The following CSMD1 variants were observed in gnomAD, a reference collection of about 807,000 sequenced individuals.
CSMD1 encodes the protein CUB and Sushi multiple domains 1, also known as CUB and sushi domain-containing protein 1.
CSMD1 carries 213 observed loss-of-function variants against 417.5 expected under a neutral mutation model. The observed-to-expected ratio is 0.51, with a 90% CI of 0.46 to 0.57. The LOEUF (loss-of-function observed/expected upper bound fraction) is 0.57, where lower values mean the gene tolerates loss of function less well. Among genes scored for constraint, CSMD1 ranks in the 20% least tolerant of loss-of-function variants. The probability of loss-of-function intolerance (pLI) is 0.00; values close to 1 mark genes in which losing one functional copy is unlikely to be tolerated. For synonymous variants in CSMD1, 2,862 were observed against 1,736.8 expected, an observed-to-expected ratio of 1.65 and a Z score of -16.11; for missense variants, 6,923 against 4,529.7, an observed-to-expected ratio of 1.53 and a Z score of -15.17.
chr8:3,480,782 C>G (rs756380199), intron 11 of CSMD1, among the ~76,000 whole-genome samples: 45 of 152,050 alleles, frequency 3.0e-4, no homozygotes, highest in Non-Finnish European at 6.2e-4. Flanking sequence ...ACCACAAATT[C>G]TATATTCAGT....
intron 7 of CSMD1, among the ~76,000 whole-genome samples, chr8:3,618,195 G>A (rs1802240023): frequency 2.0e-5 from 3 of 152,030 alleles, no homozygotes; most frequent in Admixed American, 2.0e-4. Flanking sequence ...TTCTAGAGAT[G>A]GAGTCTCACT....
chr8:3,225,233 C>T (rs535045405), intron 27 of CSMD1, among the ~76,000 whole-genome samples: 1 of 152,100 alleles, frequency 6.6e-6, no homozygotes, highest in African/African-American at 2.4e-5. Flanking sequence ...CAACTAACTC[C>T]AGTAGTTCTT....
chr8:3,342,592 T>C (rs139336795), intron 23 of CSMD1, among the ~76,000 whole-genome samples: 1 of 152,366 alleles, frequency 6.6e-6, no homozygotes, highest in East Asian at 1.9e-4. Context: ...TTCCTACTTT[T>C]GAAACACAGC....
intron 2 of CSMD1, among the ~76,000 whole-genome samples, chr8:4,593,477 TAAAAG>T: frequency 6.6e-6 from 1 of 152,272 alleles, no homozygotes; most frequent in South Asian, 2.1e-4. Flanking sequence ...AAGTGAAACA[TAAAAG>T]AGAACGCTTT....
At chr8:3,106,770 TTTATTTTTAGTCTTTTAAAAA>T in intron 45 of CSMD1, 129 bp from the exon 46 acceptor site, 1 of 536,286 alleles carries the variant, frequency 1.9e-6, no homozygotes, top group Middle Eastern at 2.9e-4. Context: ...TATGTCTGTA[TTTATTTTTAGTCTTTTAAAAA>T]TAATACCGTT....
intron 3 of CSMD1, among the ~76,000 whole-genome samples, chr8:4,039,715 G>C (rs1191883251): frequency 6.6e-6 from 1 of 152,278 alleles, no homozygotes; most frequent in East Asian, 1.9e-4. Flanking sequence ...AGGTGGAAAA[G>C]GGCAAGATTT....
chr8:4,236,402 C>T (rs1802065691), intron 3 of CSMD1, among the ~76,000 whole-genome samples: 2 of 152,146 alleles, frequency 1.3e-5, no homozygotes, highest in African/African-American at 4.8e-5. Context: ...GAAGCACCCA[C>T]TCTAGCCAGT....
intron 15 of CSMD1, among the ~76,000 whole-genome samples, chr8:3,404,496 T>C (rs1585113746): frequency 6.6e-6 from 1 of 152,290 alleles, no homozygotes; most frequent in East Asian, 1.9e-4. Context: ...ACCCCAGCTC[T>C]GCTTAGAGTC....
At position 4,722,338 on chromosome 8, in the gene CSMD1, A is replaced by G. The variant is rs781044788; in HGVS notation, c.86-84780T>C. 3.3e-5 allele frequency among the ~76,000 whole-genome samples: 5 copies of G among 152,180 alleles called. 1 individual carries two copies. The South Asian group carries it at 6.2e-4, about 19-fold the overall frequency. On this transcript the variant is annotated intron_variant, in intron 1 of 69. Transcript: ENST00000635120. ...GGTGAAGAAAATATATTTAATATCCATGCAGATTTTAATTTTATCAAAGGC... is the reference window on the plus strand; with the variant it reads ...GGTGAAGAAAATATATTTAATATCCGTGCAGATTTTAATTTTATCAAAGGC...
At position 4,473,029 on chromosome 8, in the gene CSMD1, G is replaced by C. The variant is rs75191206; in HGVS notation, c.303-52964C>G. 3.2e-4 allele frequency among the ~76,000 whole-genome samples: 48 copies of C among 151,896 alleles called. No homozygotes were observed. The East Asian group carries it at 6.6e-3, about 21-fold the overall frequency. ...TATATTGTTTAAATTCCTCAAACAAGTCAAAATATTCAAATTCTGCATTAA... is the reference window on the plus strand; with the variant it reads ...TATATTGTTTAAATTCCTCAAACAACTCAAAATATTCAAATTCTGCATTAA... On this transcript the variant is annotated intron_variant, in intron 2 of 69. Transcript: ENST00000635120.
At chr8:4,178,747 A>G (rs577748710) in intron 3 of CSMD1, among the ~76,000 whole-genome samples, 32 of 152,212 alleles carry the variant, frequency 2.1e-4, no homozygotes, top group Non-Finnish European at 3.8e-4. Flanking sequence ...AGGATACAAA[A>G]TCAATGTACA....
chr8:4,944,378 G>T (rs118064829), intron 1 of CSMD1, among the ~76,000 whole-genome samples: 1 of 152,158 alleles, frequency 6.6e-6, no homozygotes, highest in Non-Finnish European at 1.5e-5. Context: ...CAGCAAAAAT[G>T]CTCAACACAC....
intron 68 of CSMD1, among the ~76,000 whole-genome samples, chr8:2,942,980 T>G (rs1462451361): frequency 6.6e-6 from 1 of 152,226 alleles, no homozygotes; most frequent in East Asian, 1.9e-4. Flanking sequence ...TTTTCAGGTC[T>G]TAAGGCCAGA....
intron 5 of CSMD1, among the ~76,000 whole-genome samples, chr8:3,962,683 G>C (rs1344390985): frequency 2.0e-5 from 3 of 152,148 alleles, no homozygotes; most frequent in Non-Finnish European, 2.9e-5. Context: ...CAGCTGGGTG[G>C]GGAGTGTGGT....
intron 5 of CSMD1, among the ~76,000 whole-genome samples, chr8:3,800,133 G>C (rs971921433): frequency 6.6e-6 from 1 of 152,074 alleles, no homozygotes; most frequent in East Asian, 1.9e-4. Flanking sequence ...TTTATATTGT[G>C]TATGAGTTGT....
chr8:4,748,826 C>T lies in CSMD1; in HGVS notation c.86-111268G>A, dbSNP rs572064928. Among the ~76,000 whole-genome samples the T allele has an allele frequency of 1.2e-4, 18 of 152,320 alleles. 1 individual carries two copies. The highest frequency in any genetic ancestry group is 2.1e-4 in the South Asian group (1 of 4,830). On this transcript the variant is annotated intron_variant, in intron 1 of 69. Transcript: ENST00000635120. ...TCACCATTGTGAACATATGCCCCTT[C>T]GGGAGAGTTCACCACTGTGAACATA...
intron 18 of CSMD1, among the ~76,000 whole-genome samples, chr8:3,375,709 GCCC>G (rs1188389563): frequency 1.3e-5 from 2 of 152,072 alleles, no homozygotes; most frequent in Non-Finnish European, 2.9e-5. Context: ...CTGATGACCA[GCCC>G]CCATCTCACC....
chr8:3,968,931 T>C (rs549675583), intron 5 of CSMD1, among the ~76,000 whole-genome samples: 19 of 152,272 alleles, frequency 1.2e-4, no homozygotes, highest in Admixed American at 7.8e-4. Flanking sequence ...TTTCAAGGCA[T>C]TGAAACCGAC....
At chr8:4,834,067 T>C (rs1800313061) in intron 1 of CSMD1, among the ~76,000 whole-genome samples, 1 of 152,226 alleles carries the variant, frequency 6.6e-6, no homozygotes, top group African/African-American at 2.4e-5. Flanking sequence ...AATGTAATTT[T>C]ACTATTGGAC....
Sources: gnomAD v4.1 joint callset for allele counts (sites outside exome capture counted in the v4.1 genomes callset) on GRCh38, gnomAD v4.1.1 for gene constraint, MANE v1.5 for transcripts, NCBI Gene and HGNC (gene_info 2026-07-23, HGNC 2026-07-21) for gene names.